AGAP1: variants seen among roughly 807,000 people sequenced by gnomAD.
AGAP1 encodes arf-GAP with GTPase, ANK repeat and PH domain-containing protein 1.
A neutral mutation model predicts 105.3 loss-of-function variants in AGAP1; 29 were observed. The ratio of observed to expected loss-of-function variants is 0.28; its 90% CI spans 0.21 to 0.38. The LOEUF (loss-of-function observed/expected upper bound fraction) is 0.38, where lower values mean the gene tolerates loss of function less well. Ranked by LOEUF, AGAP1 falls within the 10% of genes least tolerant of loss-of-function variation. The probability of loss-of-function intolerance (pLI) is 1.00; values close to 1 mark genes in which losing one functional copy is unlikely to be tolerated. For missense variants in AGAP1, 998 were observed against 1,165.1 expected, an observed-to-expected ratio of 0.86 and a Z score of 2.09; for synonymous variants, 509 against 485.9, an observed-to-expected ratio of 1.05 and a Z score of -0.63.
rs532154660 is a variant in AGAP1 at position 235,697,016 on chromosome 2, G to C, written c.164-12163G>C. Among the ~76,000 whole-genome samples the C allele has an allele frequency of 2.0e-5, 3 of 152,120 alleles. No individual in the cohort carries two copies. In the South Asian group the frequency reaches 6.2e-4, roughly 32 times the overall value. On this transcript the variant is annotated intron_variant, in intron 1 of 17. Transcript: ENST00000304032. ...AAAAAAGAGAAGTATCCTAACTTTT[G>C]TTTCATTCGATTTGCCATTAAGTCC...
Position 235,787,569 on chromosome 2 carries a change from T to C in AGAP1, c.674-10190T>C, listed in dbSNP as rs1339844439. On this transcript the variant is annotated intron_variant, in intron 6 of 17. Transcript: ENST00000304032. This position sits in a 1 kb window ranked among gnomAD's most constrained non-coding sequence, Gnocchi z 4.4. The stretch of plus-strand genomic sequence containing the variant: ...GTTGACATTTTCTAGATGATGCAGC[T>C]GGCAGATTTGTCTGGATTTCACAAT... Among the ~76,000 whole-genome samples the C allele has an allele frequency of 1.3e-5, 2 of 152,210 alleles. No individual in the cohort carries two copies. Among genetic ancestry groups the C allele is most frequent in the Non-Finnish European group, 2.9e-5 (2 of 68,024 alleles).
In AGAP1 at chr2:235,877,771, C is replaced by T. The variant is rs868689957; in HGVS notation, c.1051-5574C>T. Among the ~76,000 whole-genome samples the T allele has an allele frequency of 1.5e-3, 222 of 152,256 alleles. No individual in the cohort carries two copies. Among genetic ancestry groups the T allele is most frequent in the African/African-American group, 4.9e-3 (204 of 41,544 alleles). ...CCTTGCATCTCAAATTTGCTCAGAC[C>T]GTCTGGGGATCTTGTTACATTTGGA... On this transcript the variant is annotated intron_variant, in intron 9 of 17. Coordinates refer to ENST00000304032, the MANE Select transcript of AGAP1 (RefSeq NM_001037131.3). The surrounding 1 kb of genome is among the most constrained non-coding windows in gnomAD (Gnocchi z 4.3).
Position 235,936,935 on chromosome 2 carries a change from T to G in AGAP1, c.1483+6012T>G, listed in dbSNP as rs2053019579. Among the ~76,000 whole-genome samples, 1 of 141,664 alleles carries G rather than the reference T, an allele frequency of 7.1e-6. No individual in the cohort carries two copies. The highest frequency in any genetic ancestry group is 1.6e-5 in the Non-Finnish European group (1 of 64,030). 92.9% of individuals were successfully genotyped at this position (141,664 alleles called of 152,430 possible). A position where few individuals can be genotyped will look rare whatever the true frequency, so the allele number is the denominator to read the frequency against. ...AAAGCTTGTAATCATTCCCCTCTGC[T>G]TTTTTTTTTTTAAGGAGAAACGCAT... On this transcript the variant is annotated intron_variant, in intron 12 of 17. Transcript: ENST00000304032. The surrounding 1 kb of genome is among the most constrained non-coding windows in gnomAD (Gnocchi z 4.7).
Position 235,865,525 on chromosome 2 carries a change from G to A in AGAP1, c.1051-17820G>A, listed in dbSNP as rs2049125054. 6.6e-6 allele frequency among the ~76,000 whole-genome samples: 1 copy of A among 152,172 alleles called. No individual in the cohort carries two copies. Among genetic ancestry groups the A allele is most frequent in the Non-Finnish European group, 1.5e-5 (1 of 68,032 alleles). The stretch of plus-strand genomic sequence containing the variant: ...ACAACGACAGAAATATTACTCGCCG[G>A]AAAGGGGAGGGGGTCTTTGGGGAGC... On this transcript the variant is annotated intron_variant, in intron 9 of 17. Coordinates refer to ENST00000304032, the MANE Select transcript of AGAP1 (RefSeq NM_001037131.3). This position sits in a 1 kb window ranked among gnomAD's most constrained non-coding sequence, Gnocchi z 6.2.
intron 9 of AGAP1, among the ~76,000 whole-genome samples, chr2:235,811,906 C>T (rs1017257233): frequency 6.6e-6 from 1 of 152,206 alleles, no homozygotes; most frequent in African/African-American, 2.4e-5. Flanking sequence ...TTGAGAGAAC[C>T]AGGTCTCTGC....
At chr2:235,829,838 A>T (rs1330375585) in intron 9 of AGAP1, among the ~76,000 whole-genome samples, 4 of 152,120 alleles carry the variant, frequency 2.6e-5, no homozygotes, top group Non-Finnish European at 5.9e-5. Flanking sequence ...TTTGCCGTGC[A>T]GGGGGTGGTC....
intron 13 of AGAP1, among the ~76,000 whole-genome samples, chr2:236,007,806 C>G (rs2056373637): frequency 6.6e-6 from 1 of 152,208 alleles, no homozygotes; most frequent in African/African-American, 2.4e-5. Context: ...TCGGCATCAC[C>G]AGCCCCCAGC....
chr2:235,525,156 T>C (rs1942779370), intron 1 of AGAP1, among the ~76,000 whole-genome samples: 1 of 152,246 alleles, frequency 6.6e-6, no homozygotes, highest in African/African-American at 2.4e-5. Context: ...ATTTGTATTG[T>C]ATGTCGGTGC....
At position 235,936,776 on chromosome 2, in the gene AGAP1, G is replaced by C. The variant is rs2053013074; in HGVS notation, c.1483+5853G>C. On this transcript the variant is annotated intron_variant, in intron 12 of 17. Coordinates refer to ENST00000304032, the MANE Select transcript of AGAP1 (RefSeq NM_001037131.3). This position sits in a 1 kb window ranked among gnomAD's most constrained non-coding sequence, Gnocchi z 4.7. ...AATACATGTGTTGACAGCCTCCGCT[G>C]TTGTGACCTTCATGCCTAACACTCG... is the stretch of plus-strand genomic sequence containing the variant. Among the ~76,000 whole-genome samples, 1 of 152,182 alleles carries C rather than the reference G, an allele frequency of 6.6e-6. No homozygotes were observed. Among genetic ancestry groups the C allele is most frequent in the African/African-American group, 2.4e-5 (1 of 41,438 alleles).
intron 16 of AGAP1, among the ~76,000 whole-genome samples, chr2:236,111,459 C>CA (rs1347281320): frequency 1.3e-5 from 2 of 151,392 alleles, no homozygotes. Flanking sequence ...CCAGCCTGCT[C>CA]AAACCCAGCC....
chr2:236,017,292 C>CAAAA (rs1202844758), intron 13 of AGAP1, among the ~76,000 whole-genome samples: 4 of 104,508 alleles, frequency 3.8e-5, no homozygotes, highest in Non-Finnish European at 6.3e-5. Context: ...GACTCCATCT[C>CAAAA]AAAAAAAAAA....
chr2:235,602,583 C>CT (rs1248749115), intron 1 of AGAP1, among the ~76,000 whole-genome samples: 2 of 152,248 alleles, frequency 1.3e-5, no homozygotes, highest in African/African-American at 4.8e-5. Flanking sequence ...TTTGCCCTTC[C>CT]TTCAAGCCTT....
rs1436753459 is a variant in AGAP1 at position 236,121,088 on chromosome 2, A to AGGCAGGCAGAAAGCTGCC, written c.2370+648_2370+665dup. On this transcript the variant is annotated intron_variant, in intron 17 of 17. Transcript: ENST00000304032. The surrounding 1 kb of genome is among the most constrained non-coding windows in gnomAD (Gnocchi z 4.9). ...TTCTGCTGAGGCAGGTTCCCACCAG[A>AGGCAGGCAGAAAGCTGCC]GGCAGGCAGAAAGCTGCCGGCAGGG... is the stretch of plus-strand genomic sequence containing the variant. Among the ~76,000 whole-genome samples, 2 of 152,162 alleles carry AGGCAGGCAGAAAGCTGCC rather than the reference A, an allele frequency of 1.3e-5. No homozygotes were observed. The highest frequency in any genetic ancestry group is 4.8e-5 in the African/African-American group (2 of 41,446).
intron 16 of AGAP1, among the ~76,000 whole-genome samples, chr2:236,097,174 C>T (rs2059211111): frequency 6.6e-6 from 1 of 151,858 alleles, no homozygotes; most frequent in South Asian, 2.1e-4. Context: ...GGAATTGTGT[C>T]TTTCAGGATT....
chr2:235,859,813 A>G (rs2048849870), intron 9 of AGAP1, among the ~76,000 whole-genome samples: 1 of 152,196 alleles, frequency 6.6e-6, no homozygotes, highest in African/African-American at 2.4e-5. Flanking sequence ...AAGGCTCTGA[A>G]ATGCCTCCGC....
At position 235,714,860 on chromosome 2, in the gene AGAP1, G is replaced by A. The variant is rs1951021037; in HGVS notation, c.223-2697G>A. On this transcript the variant is annotated intron_variant, in intron 2 of 17. Coordinates refer to ENST00000304032, the MANE Select transcript of AGAP1 (RefSeq NM_001037131.3). The surrounding 1 kb of genome is among the most constrained non-coding windows in gnomAD (Gnocchi z 4.1). ...GTCACCCAGGCTGGAGTCCAGTGGT[G>A]TATCTCGGCTCACTGCAACCTCCGC... is the stretch of plus-strand genomic sequence containing the variant. Among the ~76,000 whole-genome samples, 1 of 152,110 alleles carries A rather than the reference G, an allele frequency of 6.6e-6. No homozygotes were observed. Among genetic ancestry groups the A allele is most frequent in the Non-Finnish European group, 1.5e-5 (1 of 68,008 alleles).
chr2:235,614,718 C>G lies in AGAP1; in HGVS notation c.164-94461C>G, dbSNP rs929870651. On this transcript the variant is annotated intron_variant, in intron 1 of 17. Transcript: ENST00000304032. The surrounding 1 kb of genome is among the most constrained non-coding windows in gnomAD (Gnocchi z 4.7). ...TTTTTCCACACGCTTAGGGAAGATA[C>G]GAGACTGGCTAACTCAGTATTCACC... is the stretch of plus-strand genomic sequence containing the variant. Among the ~76,000 whole-genome samples the G allele has an allele frequency of 1.3e-5, 2 of 152,122 alleles. No individual in the cohort carries two copies. The highest frequency in any genetic ancestry group is 2.4e-5 in the African/African-American group (1 of 41,426).
rs540454816 is a variant in AGAP1, at chr2:236,014,299, G to A, written c.1646-22262G>A. Among the ~76,000 whole-genome samples, 1 of 152,314 alleles carries A rather than the reference G, an allele frequency of 6.6e-6. No homozygotes were observed. Among genetic ancestry groups the A allele is most frequent in the South Asian group, 2.1e-4 (1 of 4,822 alleles). On this transcript the variant is annotated intron_variant, in intron 13 of 17. Coordinates refer to ENST00000304032, the MANE Select transcript of AGAP1 (RefSeq NM_001037131.3). This position sits in a 1 kb window ranked among gnomAD's most constrained non-coding sequence, Gnocchi z 6.3. The stretch of plus-strand genomic sequence containing the variant: ...CCTGAATCAAAATCTGTCTCGGGAA[G>A]ACAACTTCACTTTTAACAGCTCTTG...
At chr2:236,117,549 T>C (rs1161336052) in intron 16 of AGAP1, among the ~76,000 whole-genome samples, 2 of 152,210 alleles carry the variant, frequency 1.3e-5, no homozygotes, top group African/African-American at 2.4e-5. Context: ...GCACTGTAGC[T>C]ACTAGTTCAG....
Sources: gnomAD v4.1 joint callset for allele counts (sites outside exome capture counted in the v4.1 genomes callset) on GRCh38, gnomAD v4.1.1 for gene constraint, Gnocchi (gnomAD v3.1) non-coding constraint, MANE v1.5 for transcripts, NCBI Gene and HGNC (gene_info 2026-07-23, HGNC 2026-07-21) for gene names.